NDUFB3: variants seen among roughly 807,000 people sequenced by gnomAD.
NDUFB3 encodes NADH dehydrogenase [ubiquinone] 1 beta subcomplex subunit 3.
A neutral mutation model predicts 9.0 loss-of-function variants in NDUFB3; 7 were observed. That is an observed-to-expected ratio of 0.78 (90% CI 0.44 to 1.46). The LOEUF (loss-of-function observed/expected upper bound fraction) is 1.46, where lower values mean the gene tolerates loss of function less well. Ranked by LOEUF, NDUFB3 falls within the 40% of genes most tolerant of loss-of-function variation. NDUFB3 has a pLI of 0.01. For synonymous variants in NDUFB3, 29 were observed against 38.5 expected, an observed-to-expected ratio of 0.75 and a Z score of 0.91; for missense variants, 93 against 115.4, an observed-to-expected ratio of 0.81 and a Z score of 0.89.
At chr2:201,074,964 T>C (rs1230277808) in intron 1 of NDUFB3, among the ~76,000 whole-genome samples, 3 of 152,150 alleles carry the variant, frequency 2.0e-5, no homozygotes, top group Non-Finnish European at 2.9e-5. Flanking sequence ...CTTTTACTAG[T>C]GCAAAGTAGG....
intron 1 of NDUFB3, among the ~76,000 whole-genome samples, chr2:201,075,565 CAAAA>C (rs771947770): frequency 2.1e-5 from 1 of 48,036 alleles, no homozygotes; most frequent in Non-Finnish European, 4.6e-5. Context: ...GACTCTGTCT[CAAAA>C]AAAAAAAAAA....
chr2:201,077,015 G>A (rs997772912), intron 1 of NDUFB3, among the ~76,000 whole-genome samples: 5 of 151,778 alleles, frequency 3.3e-5, no homozygotes, highest in African/African-American at 1.2e-4. Flanking sequence ...CAGGAGAATC[G>A]CTTGAACCCA....
rs368909621 is a variant in NDUFB3 at position 201,085,481 on chromosome 2, G to A, written c.163G>A (p.Gly55Ser). Residue 55 changes from glycine to serine, a missense_variant, in exon 3 of 3, where the codon GGT (glycine) becomes AGT (serine). Coordinates refer to ENST00000237889, the MANE Select transcript of NDUFB3 (RefSeq NM_002491.3). Reference protein sequence around the residue: ...WGRNEAWRYMGGFAKSVSFSD... With the variant: ...WGRNEAWRYMSGFAKSVSFSD... The stretch of plus-strand genomic sequence containing the variant: ...TAGCAATGAAGCTTGGAGATACATG[G>A]GTGGCTTTGCAAAGAGTGTTTCCTT... 8 of 1,606,574 alleles carry A rather than the reference G, an allele frequency of 5.0e-6. No homozygotes were observed. The highest frequency in any genetic ancestry group is 1.7e-4 in the Middle Eastern group (1 of 6,036).
intron 1 of NDUFB3, among the ~76,000 whole-genome samples, chr2:201,077,687 G>A (rs930213527): frequency 6.6e-6 from 1 of 152,168 alleles, no homozygotes; most frequent in Non-Finnish European, 1.5e-5. Flanking sequence ...TTCGTCAGTA[G>A]ACCTGTATTA....
intron 2 of NDUFB3, among the ~76,000 whole-genome samples, chr2:201,081,803 C>G (rs2047226075): frequency 2.0e-5 from 3 of 148,372 alleles, no homozygotes; most frequent in South Asian, 4.3e-4. Context: ...CGTGCACCAC[C>G]ACGCCCAGCT....
intron 2 of NDUFB3, chr2:201,080,048 T>C (rs2047205987): frequency 6.6e-6 from 1 of 152,088 alleles, no homozygotes; most frequent in Admixed American, 6.6e-5. Flanking sequence ...TTTTACAATG[T>C]ATCCTTTTTG....
At chr2:201,073,139 C>G (rs935261605) in intron 1 of NDUFB3, among the ~76,000 whole-genome samples, 1 of 152,178 alleles carries the variant, frequency 6.6e-6, no homozygotes, top group Non-Finnish European at 1.5e-5. Context: ...GTGATTCCAT[C>G]TCCTCCACCA....
At chr2:201,073,914 T>C (rs924596579) in intron 1 of NDUFB3, among the ~76,000 whole-genome samples, 2 of 152,206 alleles carry the variant, frequency 1.3e-5, no homozygotes, top group East Asian at 3.8e-4. Flanking sequence ...AGTAGATTCA[T>C]ATATCCAAAT....
intron 1 of NDUFB3, among the ~76,000 whole-genome samples, chr2:201,077,276 C>T (rs989550764): frequency 2.0e-5 from 3 of 151,998 alleles, no homozygotes; most frequent in African/African-American, 7.2e-5. Flanking sequence ...AAAAGGATTG[C>T]TACTGCCAAC....
chr2:201,084,191 G>A lies in NDUFB3; in HGVS notation c.141-1268G>A, dbSNP rs184563791. Among the ~76,000 whole-genome samples, 247 of 152,198 alleles carry A rather than the reference G, an allele frequency of 1.6e-3. 6 individuals carry two copies. Among genetic ancestry groups the A allele is most frequent in the Admixed American group, 0.013 (205 of 15,272 alleles). ...TATAATCCCAGCTACTGGGGAGGCT[G>A]AGGCAGGAGAATCCCGTGAACCCAG... On this transcript the variant is annotated intron_variant, in intron 2 of 2. Transcript: ENST00000237889.
chr2:201,076,802 T>C (rs143836922), intron 1 of NDUFB3, among the ~76,000 whole-genome samples: 103 of 152,112 alleles, frequency 6.8e-4, no homozygotes, highest in African/African-American at 2.5e-3. Context: ...TGAGATGCAA[T>C]GTAAGAATTC....
chr2:201,077,077 G>T (rs1242137813), intron 1 of NDUFB3, among the ~76,000 whole-genome samples: 1 of 152,048 alleles, frequency 6.6e-6, no homozygotes, highest in East Asian at 1.9e-4. Context: ...ACTCCAGCCT[G>T]GGCAAAAAGC....
At chr2:201,084,207 G>A (rs1000034784) in intron 2 of NDUFB3, among the ~76,000 whole-genome samples, 3 of 150,832 alleles carry the variant, frequency 2.0e-5, no homozygotes, top group Admixed American at 6.6e-5. Flanking sequence ...GGAGAATCCC[G>A]TGAACCCAGG....
intron 2 of NDUFB3, among the ~76,000 whole-genome samples, chr2:201,081,425 A>G (rs532808497): frequency 2.2e-4 from 33 of 151,864 alleles, no homozygotes; most frequent in African/African-American, 7.5e-4. Context: ...TGAGGTTGCA[A>G]TGAACCAAGA....
intron 2 of NDUFB3, among the ~76,000 whole-genome samples, chr2:201,082,745 C>T (rs1223452770): frequency 8.4e-6 from 1 of 119,522 alleles, no homozygotes; most frequent in Non-Finnish European, 1.6e-5. Context: ...CTCACTCTGT[C>T]GCCCAGGCCG....
At chr2:201,079,684 C>T (rs2047203004) in intron 2 of NDUFB3, among the ~76,000 whole-genome samples, 1 of 152,176 alleles carries the variant, frequency 6.6e-6, no homozygotes, top group Non-Finnish European at 1.5e-5. Flanking sequence ...GTGAAGTGAT[C>T]TGCCCACCTT....
At chr2:201,082,110 C>T (rs1027631868) in intron 2 of NDUFB3, among the ~76,000 whole-genome samples, 19 of 152,036 alleles carry the variant, frequency 1.2e-4, no homozygotes, top group Non-Finnish European at 1.5e-5. Context: ...GCCACCGCGC[C>T]AGGCCTAATT....
intron 2 of NDUFB3, among the ~76,000 whole-genome samples, chr2:201,082,863 G>A (rs1010013383): frequency 1.3e-5 from 2 of 150,806 alleles, no homozygotes; most frequent in African/African-American, 2.4e-5. Context: ...ACAGGCGCCC[G>A]CCACCGCGCC....
chr2:201,080,949 C>T (rs1202548855), intron 2 of NDUFB3, among the ~76,000 whole-genome samples: 2 of 151,588 alleles, frequency 1.3e-5, no homozygotes, highest in African/African-American at 4.8e-5. Context: ...ATGATCCACC[C>T]GCCTCAGCCT....
Sources: gnomAD v4.1 joint callset for allele counts (sites outside exome capture counted in the v4.1 genomes callset) on GRCh38, gnomAD v4.1.1 for gene constraint, MANE v1.5 for transcripts, NCBI Gene and HGNC (gene_info 2026-07-23, HGNC 2026-07-21) for gene names.